NUP58: variants seen among roughly 807,000 people sequenced by gnomAD.
The protein encoded by NUP58 is nucleoporin p58/p45.
In NUP58, 17 loss-of-function variants were observed where a neutral mutation model predicts 70.1. That is an observed-to-expected ratio of 0.24 (90% CI 0.17 to 0.36). The LOEUF is 0.36. NUP58 is among the 10% of genes least tolerant of loss of function. The pLI is 1.00. For synonymous variants in NUP58, 275 were observed against 257.6 expected (o/e 1.07, Z -0.65); for missense variants, 644 against 701.5 (o/e 0.92, Z 0.93).
At chr13:25,318,759 G>A (rs928994794) in intron 6 of NUP58, among the ~76,000 whole-genome samples, 1 of 152,174 alleles carries the variant, frequency 6.6e-6, no homozygotes, top group Admixed American at 6.5e-5. Context: ...TGTTGTGAGG[G>A]TGTGATAAGG....
At chr13:25,303,585 C>CA in intron 1 of NUP58, among the ~76,000 whole-genome samples, 1 of 152,210 alleles carries the variant, frequency 6.6e-6, no homozygotes, top group South Asian at 2.1e-4. Context: ...TTGCAAATAT[C>CA]AAATGGTCTC....
chr13:25,347,952 A>G (rs2032069645), intron 3 of NUP58, among the ~76,000 whole-genome samples: 1 of 152,186 alleles, frequency 6.6e-6, no homozygotes, highest in Admixed American at 6.5e-5. Flanking sequence ...AGAACGAGAA[A>G]TTCTTTTTAA....
intron 10 of NUP58, 82 bp from the exon 11 acceptor site, chr13:25,326,834 G>T (rs1036277360): frequency 2.8e-6 from 2 of 712,206 alleles, no homozygotes; most frequent in South Asian, 2.0e-5. Context: ...ACTATTAAAT[G>T]ATTGCAGAAT....
chr13:25,319,673 T>G (rs1170329771), intron 7 of NUP58, among the ~76,000 whole-genome samples: 5 of 152,130 alleles, frequency 3.3e-5, no homozygotes, highest in Non-Finnish European at 5.9e-5. Context: ...ACTTTACTTT[T>G]GGAGCATTTA....
At chr13:25,344,863 G>C (rs1263107483), downstream of NUP58, among the ~76,000 whole-genome samples, 1 of 152,082 alleles carries the variant, frequency 6.6e-6, no homozygotes, top group Non-Finnish European at 1.5e-5. Flanking sequence ...TGATAATATA[G>C]TAAATCCGAG....
At chr13:25,320,176 T>G (rs1299952835) in intron 7 of NUP58, 5 of 166,364 alleles carry the variant, frequency 3.0e-5, no homozygotes, top group Non-Finnish European at 6.4e-5. Flanking sequence ...GAATAAATTG[T>G]CAGTCAGAAT....
chr13:25,328,523 A>C (rs9511756), intron 12 of NUP58, among the ~76,000 whole-genome samples: 124,826 of 151,226 alleles, frequency 0.83, 56,427 homozygotes, highest in Non-Finnish European at 1. Context: ...AGCCTCCTGA[A>C]TAGCTGGGAC....
chr13:25,339,914 T>G (rs2031903008), intron 15 of NUP58, 51 bp from the exon 16 acceptor site: 1 of 1,467,496 alleles, frequency 6.8e-7, no homozygotes, highest in South Asian at 1.4e-5. Context: ...TTTTTATATT[T>G]GTTTTTGGAA....
At chr13:25,335,476 G>A in intron 13 of NUP58, 1 of 984,986 alleles carries the variant, frequency 1.0e-6, no homozygotes, top group African/African-American at 1.7e-5. Context: ...GAATCAGAAA[G>A]TATAATAATA....
intron 3 of NUP58, among the ~76,000 whole-genome samples, chr13:25,310,966 C>T (rs2030635911): frequency 6.6e-6 from 1 of 152,098 alleles, no homozygotes; most frequent in Non-Finnish European, 1.5e-5. Flanking sequence ...TGGAGCAAGA[C>T]AGTCAGTCTG....
Position 25,335,497 on chromosome 13 carries a change from C to G in NUP58, c.1436-1439C>G, listed in dbSNP as rs532667069. 5.8e-5 allele frequency: 57 copies of G among 985,052 alleles called. No individual in the cohort carries two copies. In the African/African-American group the frequency reaches 9.4e-4, roughly 16 times the overall value. 61.0% of individuals were successfully genotyped at this position (985,052 alleles called of 1,614,324 possible). On this transcript the variant is annotated intron_variant, in intron 13 of 15. Transcript: ENST00000381736. Reference sequence around the variant, plus strand: ...GAAAGTATAATAATATGCTTGGTTTCTTTTTCCTATAGTAACATTTTACAA... The same window carrying G: ...GAAAGTATAATAATATGCTTGGTTTGTTTTTCCTATAGTAACATTTTACAA...
intron 3 of NUP58, among the ~76,000 whole-genome samples, chr13:25,312,438 G>A (rs932813413): frequency 3.3e-5 from 5 of 152,296 alleles, no homozygotes; most frequent in Admixed American, 1.3e-4. Flanking sequence ...CACGATTTCA[G>A]CTCACTGCAA....
At chr13:25,332,475 T>A (rs1266849805) in intron 13 of NUP58, 1 of 983,738 alleles carries the variant, frequency 1.0e-6, no homozygotes, top group Non-Finnish European at 1.2e-6. Flanking sequence ...TAATGCTTAC[T>A]ATTCAATAGC....
At chr13:25,321,125 G>A (rs768036856) in intron 9 of NUP58, 32 bp downstream of exon 9, 8 of 1,531,728 alleles carry the variant, frequency 5.2e-6, no homozygotes, top group Non-Finnish European at 6.1e-6. Context: ...TTACCGTAGG[G>A]TTTTTTTGTT....
chr13:25,346,621 G>C (rs1238510767), downstream of NUP58, among the ~76,000 whole-genome samples: 1 of 151,934 alleles, frequency 6.6e-6, no homozygotes, highest in Non-Finnish European at 1.5e-5. Context: ...TCGGGAGGCT[G>C]AGGCAGGAGA....
intron 13 of NUP58, chr13:25,332,973 T>A (rs993832052): frequency 1.4e-4 from 142 of 985,226 alleles, no homozygotes; most frequent in Non-Finnish European, 1.6e-4. Context: ...AGTAGATAAG[T>A]GTAGATTTGG....
intron 12 of NUP58, among the ~76,000 whole-genome samples, chr13:25,327,787 A>C (rs2031453702): frequency 6.6e-6 from 1 of 152,144 alleles, no homozygotes. Flanking sequence ...TATTTCCTGA[A>C]TATCATTTTT....
chr13:25,333,733 A>T (rs1043222571), intron 13 of NUP58: 1 of 985,182 alleles, frequency 1.0e-6, no homozygotes, highest in African/African-American at 1.7e-5. Context: ...GGTGTTTTGT[A>T]CCCCATAAGT....
At chr13:25,307,989 G>T (rs1301151918) in intron 2 of NUP58, 41 bp downstream of exon 2, 1 of 1,604,970 alleles carries the variant, frequency 6.2e-7, no homozygotes, top group Admixed American at 1.7e-5. Context: ...GTAGGCTTGG[G>T]ATATTCTTTC....
Sources: gnomAD v4.1 joint callset for allele counts (sites outside exome capture counted in the v4.1 genomes callset) on GRCh38, gnomAD v4.1.1 for gene constraint, MANE v1.5 for transcripts, NCBI Gene and HGNC (gene_info 2026-07-23, HGNC 2026-07-21) for gene names.